Variants in MYT1L observed in about 807,000 individuals in gnomAD.
The protein encoded by MYT1L is myelin transcription factor 1 like, also known as myelin transcription factor 1-like protein.
A neutral mutation model predicts 126.7 loss-of-function variants in MYT1L; 12 were observed. That is an observed-to-expected ratio of 0.09 (90% confidence interval 0.06 to 0.15). The LOEUF (loss-of-function observed/expected upper bound fraction) is 0.15. MYT1L is among the 10% of genes least tolerant of loss of function. The pLI, the probability that MYT1L is intolerant of heterozygous loss-of-function variation, is 1.00. For synonymous variants in MYT1L, 541 were observed against 604.2 expected, an observed-to-expected ratio of 0.90 and a Z score of 1.53; for missense variants, 979 against 1,585.2, an observed-to-expected ratio of 0.62 and a Z score of 6.49.
chr2:1,955,587 C>T (rs2149344956), intron 8 of MYT1L, among the ~76,000 whole-genome samples: 1 of 152,230 alleles, frequency 6.6e-6, no homozygotes, highest in Non-Finnish European at 1.5e-5. Flanking sequence ...CAAAGTTGCT[C>T]AATAGTTTAA....
chr2:2,125,753 A>T (rs1023807671), intron 3 of MYT1L, among the ~76,000 whole-genome samples: 2 of 152,260 alleles, frequency 1.3e-5, no homozygotes, highest in East Asian at 3.8e-4. Context: ...CATAGGAAAA[A>T]AAATGAAAGG....
chr2:2,062,456 A>C (rs911475603), intron 3 of MYT1L, among the ~76,000 whole-genome samples: 2 of 152,156 alleles, frequency 1.3e-5, no homozygotes, highest in Non-Finnish European at 2.9e-5. Context: ...CTTGGGCTGT[A>C]ATGATGCCCC....
At chr2:2,290,795 T>C (rs1213168873) in intron 1 of MYT1L, among the ~76,000 whole-genome samples, 4 of 152,158 alleles carry the variant, frequency 2.6e-5, no homozygotes, top group Non-Finnish European at 5.9e-5. Context: ...GGCCCAGGCA[T>C]CAGTATTTTT....
intron 1 of MYT1L, among the ~76,000 whole-genome samples, chr2:2,312,810 G>T (rs2095996673): frequency 6.6e-6 from 1 of 152,106 alleles, no homozygotes; most frequent in Non-Finnish European, 1.5e-5. Context: ...CTCAAAAGAG[G>T]TGGTAGAAGA....
chr2:1,819,289 A>G (rs916574456), intron 21 of MYT1L, among the ~76,000 whole-genome samples: 5 of 152,108 alleles, frequency 3.3e-5, no homozygotes, highest in Non-Finnish European at 4.4e-5. Context: ...AGCAACACTT[A>G]CCTCCTGTCC....
At chr2:2,113,101 A>C (rs1490094919) in intron 3 of MYT1L, among the ~76,000 whole-genome samples, 1 of 152,154 alleles carries the variant, frequency 6.6e-6, no homozygotes, top group African/African-American at 2.4e-5. Flanking sequence ...CTGGGAGAAG[A>C]AGCAGATTCC....
chr2:2,092,376 C>T (rs556860134), intron 3 of MYT1L, among the ~76,000 whole-genome samples: 1 of 152,286 alleles, frequency 6.6e-6, no homozygotes, highest in South Asian at 2.1e-4. Flanking sequence ...TTGCCATCTC[C>T]AATGGGTGCT....
chr2:2,083,323 T>C (rs2076031712), intron 3 of MYT1L, among the ~76,000 whole-genome samples: 1 of 152,222 alleles, frequency 6.6e-6, no homozygotes, highest in South Asian at 2.1e-4. Context: ...ACCAGTTACA[T>C]TTCCTGATAT....
chr2:1,908,377 G>A (rs546682578), intron 13 of MYT1L, among the ~76,000 whole-genome samples: 1 of 151,876 alleles, frequency 6.6e-6, no homozygotes, highest in South Asian at 2.1e-4. Flanking sequence ...GCAGTCGTAG[G>A]TGGTCAGTGC....
At chr2:2,045,534 C>T (rs2068072489) in intron 4 of MYT1L, among the ~76,000 whole-genome samples, 1 of 152,218 alleles carries the variant, frequency 6.6e-6, no homozygotes, top group Non-Finnish European at 1.5e-5. Context: ...ACCTCATAGC[C>T]TGTGGATGGG....
intron 20 of MYT1L, among the ~76,000 whole-genome samples, chr2:1,840,000 C>T (rs988262052): frequency 1.1e-4 from 17 of 152,206 alleles, no homozygotes; most frequent in African/African-American, 3.4e-4. Context: ...GCAGCAAAGG[C>T]GCCTGAAGGA....
At chr2:1,964,550 C>T (rs192970165) in intron 8 of MYT1L, among the ~76,000 whole-genome samples, 2 of 152,098 alleles carry the variant, frequency 1.3e-5, no homozygotes, top group Admixed American at 6.5e-5. Context: ...GAAAACGCCT[C>T]CAAAATACTT....
chr2:2,098,965 A>G (rs1575149158), intron 3 of MYT1L, among the ~76,000 whole-genome samples: 1 of 152,278 alleles, frequency 6.6e-6, no homozygotes, highest in Admixed American at 6.5e-5. Context: ...GAGAGACAGA[A>G]ATAGGTTTTG....
At chr2:1,987,503 C>G (rs1456213752) in intron 5 of MYT1L, among the ~76,000 whole-genome samples, 3 of 152,136 alleles carry the variant, frequency 2.0e-5, no homozygotes, top group Non-Finnish European at 2.9e-5. Context: ...CTACCCCACA[C>G]CACAGCTTTC....
intron 3 of MYT1L, among the ~76,000 whole-genome samples, chr2:2,129,035 C>G (rs535220991): frequency 1.3e-5 from 2 of 152,148 alleles, no homozygotes; most frequent in Non-Finnish European, 2.9e-5. Context: ...AAAAAACATA[C>G]CAAAATTAAT....
At chr2:1,854,168 G>C (rs2043624705) in intron 18 of MYT1L, among the ~76,000 whole-genome samples, 1 of 152,042 alleles carries the variant, frequency 6.6e-6, no homozygotes, top group Non-Finnish European at 1.5e-5. Flanking sequence ...GCATTTCTCG[G>C]GTGGGATGGG....
chr2:2,159,350 C>T (rs1164828621), intron 3 of MYT1L, among the ~76,000 whole-genome samples: 1 of 152,188 alleles, frequency 6.6e-6, no homozygotes, highest in African/African-American at 2.4e-5. Flanking sequence ...GCACTGAACA[C>T]ACCCTCCTCT....
chr2:2,018,823 A>C (rs1221966782), intron 4 of MYT1L, among the ~76,000 whole-genome samples: 1 of 152,126 alleles, frequency 6.6e-6, no homozygotes, highest in Non-Finnish European at 1.5e-5. Context: ...GCAGTTCCTC[A>C]ACACCACCTA....
rs1200871776 is a variant in MYT1L, at chr2:1,811,539, G to C, written c.3081-2372C>G. The C allele has an allele frequency of 6.6e-6, 1 of 152,108 alleles. No homozygotes were observed. Among genetic ancestry groups the C allele is most frequent in the African/African-American group, 2.4e-5 (1 of 41,396 alleles). The allele number at this position is 152,108 out of a possible 1,614,324, so 9.4% of individuals were successfully genotyped here. The stretch of plus-strand genomic sequence containing the variant: ...CACGGTGGGCGCCCTGGCTTCTCCT[G>C]CTTGCCCTGACTGCATCCCCAGGAA... On this transcript the variant is annotated intron_variant, in intron 21 of 24. Transcript: ENST00000647738. The surrounding 1 kb of genome is among the most constrained non-coding windows in gnomAD (Gnocchi z 4.4).
Sources: gnomAD v4.1 joint callset for allele counts (sites outside exome capture counted in the v4.1 genomes callset) on GRCh38, gnomAD v4.1.1 for gene constraint, Gnocchi (gnomAD v3.1) non-coding constraint, MANE v1.5 for transcripts, NCBI Gene and HGNC (gene_info 2026-07-23, HGNC 2026-07-21) for gene names.